GTF2F2: variants seen among roughly 807,000 people sequenced by gnomAD.
The protein encoded by GTF2F2 is ATP-dependent helicase GTF2F2.
A neutral mutation model predicts 42.2 loss-of-function variants in GTF2F2; 23 were observed. The ratio of observed to expected loss-of-function variants is 0.55; its 90% CI spans 0.39 to 0.77. The LOEUF (loss-of-function observed/expected upper bound fraction) is 0.77, where lower values mean the gene tolerates loss of function less well. Among genes scored for constraint, GTF2F2 ranks in the 30% least tolerant of loss-of-function variants. GTF2F2 has a pLI of 0.00. For synonymous variants in GTF2F2, 105 were observed against 100.8 expected (o/e 1.04, Z -0.25); for missense variants, 261 against 287.2 (o/e 0.91, Z 0.66).
intron 4 of GTF2F2, among the ~76,000 whole-genome samples, chr13:45,205,797 T>C (rs1387412282): frequency 1.3e-5 from 2 of 152,170 alleles, no homozygotes; most frequent in Admixed American, 1.3e-4. Flanking sequence ...GGATTATAGC[T>C]GTGAGCCACC....
chr13:45,272,700 G>A (rs530688178), intron 7 of GTF2F2, among the ~76,000 whole-genome samples: 1 of 149,968 alleles, frequency 6.7e-6, no homozygotes, highest in Admixed American at 6.6e-5. Context: ...AGCCAAGATT[G>A]TGTCACTCTA....
rs934541467 is a variant in GTF2F2, at chr13:45,131,270, A to T, written c.67-5463A>T. Reference sequence around the variant, plus strand: ...GATCCAAGGACTGAATCCAGTGCCCACTGAAGTTAAGGGGCCAGAAAGATG... The same window carrying T: ...GATCCAAGGACTGAATCCAGTGCCCTCTGAAGTTAAGGGGCCAGAAAGATG... On this transcript the variant is annotated intron_variant, in intron 1 of 7. Transcript: ENST00000340473. Among the ~76,000 whole-genome samples, 23 of 152,196 alleles carry T rather than the reference A, an allele frequency of 1.5e-4. No individual in the cohort carries two copies. In the South Asian group the frequency reaches 2.5e-3, roughly 16 times the overall value.
chr13:45,245,668 T>G (rs201063726), intron 5 of GTF2F2, among the ~76,000 whole-genome samples: 3 of 23,618 alleles, frequency 1.3e-4, no homozygotes, highest in African/African-American at 1.1e-3. Context: ...ATGGTGTGAA[T>G]ATATATATAT....
chr13:45,238,359 G>T (rs1875098991), intron 5 of GTF2F2, among the ~76,000 whole-genome samples: 1 of 152,182 alleles, frequency 6.6e-6, no homozygotes. Flanking sequence ...ACTTGGTCAT[G>T]TATTGAGGAG....
chr13:45,264,229 T>TG (rs1876468661), intron 6 of GTF2F2, among the ~76,000 whole-genome samples: 1 of 152,076 alleles, frequency 6.6e-6, no homozygotes, highest in African/African-American at 2.4e-5. Flanking sequence ...AATTTGAGAT[T>TG]GAAGCATGTA....
At chr13:45,218,965 A>T (rs1873998517) in intron 5 of GTF2F2, among the ~76,000 whole-genome samples, 1 of 152,154 alleles carries the variant, frequency 6.6e-6, no homozygotes, top group African/African-American at 2.4e-5. Flanking sequence ...GAAAACTTGA[A>T]TTATTTAAGG....
At chr13:45,232,562 G>GA (rs1222536490) in intron 5 of GTF2F2, among the ~76,000 whole-genome samples, 1 of 152,100 alleles carries the variant, frequency 6.6e-6, no homozygotes, top group African/African-American at 2.4e-5. Flanking sequence ...TTGAGTCCAG[G>GA]AGGTTGAGGC....
chr13:45,128,303 A>G (rs1869152462), intron 1 of GTF2F2, among the ~76,000 whole-genome samples: 1 of 145,518 alleles, frequency 6.9e-6, no homozygotes, highest in South Asian at 2.4e-4. Flanking sequence ...GGCCGGGCAC[A>G]GTGGCTCACG....
At chr13:45,227,837 A>AT (rs993678819) in intron 5 of GTF2F2, among the ~76,000 whole-genome samples, 3 of 152,186 alleles carry the variant, frequency 2.0e-5, no homozygotes, top group African/African-American at 7.2e-5. Context: ...AGTAAAGTGC[A>AT]TGGGGAAATG....
At chr13:45,129,925 T>G (rs1194795059) in intron 1 of GTF2F2, among the ~76,000 whole-genome samples, 1 of 152,344 alleles carries the variant, frequency 6.6e-6, no homozygotes, top group African/African-American at 2.4e-5. Flanking sequence ...CGTAAAGAAT[T>G]TATGGGCTTG....
At chr13:45,215,752 T>C (rs1017713198) in intron 5 of GTF2F2, among the ~76,000 whole-genome samples, 2 of 146,490 alleles carry the variant, frequency 1.4e-5, no homozygotes, top group African/African-American at 5.0e-5. Flanking sequence ...AGCGGGACTC[T>C]GTCTGAAAAA....
intron 4 of GTF2F2, among the ~76,000 whole-genome samples, chr13:45,184,364 G>T (rs1872313527): frequency 6.6e-6 from 1 of 151,554 alleles, no homozygotes; most frequent in Non-Finnish European, 1.5e-5. Context: ...GCGTTGATTG[G>T]TGAAGTCTTT....
At chr13:45,170,898 G>A (rs1489429302) in intron 4 of GTF2F2, among the ~76,000 whole-genome samples, 1 of 152,062 alleles carries the variant, frequency 6.6e-6, no homozygotes, top group Non-Finnish European at 1.5e-5. Flanking sequence ...CTGTCATACT[G>A]GGAGGGTAGC....
intron 5 of GTF2F2, among the ~76,000 whole-genome samples, chr13:45,216,863 G>C (rs948197435): frequency 6.6e-6 from 1 of 152,020 alleles, no homozygotes. Context: ...GAATTTCCTT[G>C]TGGGGGTCTG....
At chr13:45,252,193 A>T (rs959746996) in intron 5 of GTF2F2, among the ~76,000 whole-genome samples, 3 of 152,204 alleles carry the variant, frequency 2.0e-5, no homozygotes, top group Admixed American at 6.5e-5. Flanking sequence ...CCCAGGCTGG[A>T]GTGCAGTGGC....
At chr13:45,170,036 T>G in intron 4 of GTF2F2, among the ~76,000 whole-genome samples, 1 of 152,202 alleles carries the variant, frequency 6.6e-6, no homozygotes, top group East Asian at 1.9e-4. Context: ...TTTATTTATT[T>G]ATTTAGAGAC....
intron 7 of GTF2F2, among the ~76,000 whole-genome samples, chr13:45,279,511 C>A (rs1877170751): frequency 6.6e-6 from 1 of 152,216 alleles, no homozygotes; most frequent in African/African-American, 2.4e-5. Flanking sequence ...GATATCCCCA[C>A]CACCACCCAG....
At chr13:45,153,882 CAGG>C (rs1870620852) in intron 4 of GTF2F2, among the ~76,000 whole-genome samples, 1 of 145,170 alleles carries the variant, frequency 6.9e-6, no homozygotes. Context: ...GAAGCTGAAG[CAGG>C]AGAATTGTGT....
At chr13:45,152,516 G>A (rs1870549751) in intron 4 of GTF2F2, among the ~76,000 whole-genome samples, 1 of 152,158 alleles carries the variant, frequency 6.6e-6, no homozygotes, top group Non-Finnish European at 1.5e-5. Flanking sequence ...AGTATGAGTT[G>A]TACTTAAAAA....
Sources: allele counts gnomAD v4.1 joint callset (sites outside exome capture counted in the v4.1 genomes callset), GRCh38; gene constraint gnomAD v4.1.1; transcripts MANE v1.5; gene names NCBI Gene and HGNC (gene_info 2026-07-23, HGNC 2026-07-21).